EPHA5: variants seen among roughly 807,000 people sequenced by gnomAD.
EPHA5 encodes the protein EPH receptor A5.
A neutral mutation model predicts 105.0 loss-of-function variants in EPHA5; 60 were observed. The ratio of observed to expected loss-of-function variants is 0.57; its 90% confidence interval spans 0.46 to 0.71. The LOEUF (loss-of-function observed/expected upper bound fraction) is 0.71, where lower values mean the gene tolerates loss of function less well. Ranked by LOEUF, EPHA5 falls within the 30% of genes least tolerant of loss-of-function variation. The probability of loss-of-function intolerance (pLI) is 0.00; values close to 1 mark genes in which losing one functional copy is unlikely to be tolerated. For missense variants in EPHA5, 1,218 were observed against 1,274.7 expected (o/e 0.96, Z 0.68); for synonymous variants, 513 against 449.1 (o/e 1.14, Z -1.80).
Position 65,573,427 on chromosome 4 carries a change from A to G in EPHA5, c.910+28214T>C, listed in dbSNP as rs537791387. ...CTCCGTCTCAAAAAAAAAAAAAAAA[A>G]AAAAAAAAGAAGCTCTTTCCCATCT... On this transcript the variant is annotated intron_variant, in intron 3 of 16. Transcript: ENST00000613740. 1.8e-4 allele frequency: 176 copies of G among 1,003,260 alleles called. 2 individuals are homozygous for G. In the African/African-American group the frequency reaches 2.7e-3, roughly 15 times the overall value. 62.1% of individuals were successfully genotyped at this position (1,003,260 alleles called of 1,614,324 possible). A position where few individuals can be genotyped will look rare whatever the true frequency, so the allele number is the denominator to read the frequency against.
intron 8 of EPHA5, among the ~76,000 whole-genome samples, chr4:65,388,852 C>T (rs943633480): frequency 1.3e-5 from 2 of 151,600 alleles, no homozygotes; most frequent in Non-Finnish European, 2.9e-5. Context: ...GCTTTTGTTG[C>T]CATTGCTTTT....
At chr4:65,476,899 A>G (rs964813148) in intron 5 of EPHA5, among the ~76,000 whole-genome samples, 3 of 152,132 alleles carry the variant, frequency 2.0e-5, no homozygotes, top group African/African-American at 7.2e-5. Flanking sequence ...AAAAGAAAAC[A>G]TCAAGCATAA....
chr4:65,389,247 C>G (rs938752250), intron 8 of EPHA5, among the ~76,000 whole-genome samples: 1 of 151,998 alleles, frequency 6.6e-6, no homozygotes, highest in African/African-American at 2.4e-5. Flanking sequence ...AAAAATATAG[C>G]ATTGTGGTGC....
intron 2 of EPHA5, among the ~76,000 whole-genome samples, chr4:65,636,377 G>A (rs981583301): frequency 2.6e-5 from 4 of 152,170 alleles, no homozygotes; most frequent in South Asian, 4.1e-4. Context: ...GAACCTGGTC[G>A]TTACTCTGAA....
chr4:65,581,548 T>C (rs1023071455), intron 3 of EPHA5, among the ~76,000 whole-genome samples: 9 of 151,754 alleles, frequency 5.9e-5, no homozygotes, highest in African/African-American at 1.9e-4. Context: ...CTGGGTTCTT[T>C]GAAACTTAAC....
At chr4:65,325,759 T>C (rs1011366315) in intron 16 of EPHA5, among the ~76,000 whole-genome samples, 2 of 151,232 alleles carry the variant, frequency 1.3e-5, no homozygotes, top group African/African-American at 4.8e-5. Context: ...TCTTTTCAAC[T>C]AAACCAGAGT....
intron 3 of EPHA5, among the ~76,000 whole-genome samples, chr4:65,552,040 T>G (rs1205612488): frequency 6.6e-6 from 1 of 152,172 alleles, no homozygotes; most frequent in Non-Finnish European, 1.5e-5. Flanking sequence ...CTCGATTATT[T>G]CTACCTGTTT....
chr4:65,617,159 T>C (rs1165070135), intron 2 of EPHA5, among the ~76,000 whole-genome samples: 2 of 152,114 alleles, frequency 1.3e-5, no homozygotes, highest in African/African-American at 4.8e-5. Flanking sequence ...ACACTTATTC[T>C]ACTAAGTGTG....
chr4:65,441,357 A>C (rs757802987), intron 5 of EPHA5, among the ~76,000 whole-genome samples: 30 of 152,066 alleles, frequency 2.0e-4, no homozygotes, highest in Non-Finnish European at 2.8e-4. Context: ...TGTGAGAAAA[A>C]CAGTATTTCC....
chr4:65,589,250 T>TC (rs1742409132), intron 3 of EPHA5, among the ~76,000 whole-genome samples: 1 of 151,994 alleles, frequency 6.6e-6, no homozygotes, highest in South Asian at 2.1e-4. Context: ...ACAGACGTTT[T>TC]TTTTTAACTT....
Position 65,601,669 on chromosome 4 carries a change from T to G in EPHA5, c.882A>C (p.Gly294=). Residue 294 remains glycine (G), a synonymous_variant, in exon 3 of 17, where the codon GGA becomes GGC. Coordinates refer to ENST00000613740, the MANE Select transcript of EPHA5 (RefSeq NM_001281766.3). Reference sequence around the variant, plus strand: ...GACAGGTGCCATTTTTCTCTTCATATCCTGCCTTGCACATGCATTTCCCGA... The same window carrying G: ...GACAGGTGCCATTTTTCTCTTCATAGCCTGCCTTGCACATGCATTTCCCGA... ...VPIGKCMCKA[G]YEEKNGTCQV... 1.2e-6 allele frequency: 2 copies of G among 1,614,082 alleles called. No individual in the cohort carries two copies. The highest frequency in any genetic ancestry group is 2.7e-5 in the African/African-American group (2 of 75,044).
chr4:65,365,841 A>G (rs2148891481), intron 10 of EPHA5, 91 bp downstream of exon 10: 3 of 1,320,866 alleles, frequency 2.3e-6, no homozygotes, highest in Non-Finnish European at 3.1e-6. Flanking sequence ...AGAAAAGATT[A>G]AAAACATTCT....
intron 3 of EPHA5, among the ~76,000 whole-genome samples, chr4:65,558,590 C>A (rs13112976): frequency 6.6e-6 from 1 of 151,782 alleles, no homozygotes; most frequent in East Asian, 1.9e-4. Context: ...ATGTGCACAA[C>A]GTGCAGGTTA....
At chr4:65,505,842 T>C (rs969203025) in intron 3 of EPHA5, among the ~76,000 whole-genome samples, 5 of 152,094 alleles carry the variant, frequency 3.3e-5, no homozygotes, top group Non-Finnish European at 5.9e-5. Context: ...AACTTTTCCT[T>C]TTATTTATTT....
chr4:65,607,278 T>C (rs1044005928), intron 2 of EPHA5, among the ~76,000 whole-genome samples: 1 of 151,956 alleles, frequency 6.6e-6, no homozygotes, highest in Non-Finnish European at 1.5e-5. Context: ...GGCAAATAAT[T>C]CATAACTAAA....
chr4:65,473,907 G>T (rs1729534452), intron 5 of EPHA5, among the ~76,000 whole-genome samples: 1 of 143,604 alleles, frequency 7.0e-6, no homozygotes, highest in Non-Finnish European at 1.5e-5. Flanking sequence ...GTCTGAAATA[G>T]AAATATTTCC....
At chr4:65,579,952 T>C (rs898334227) in intron 3 of EPHA5, among the ~76,000 whole-genome samples, 8 of 151,952 alleles carry the variant, frequency 5.3e-5, no homozygotes, top group Non-Finnish European at 8.8e-5. Flanking sequence ...GCTTCTATCA[T>C]GCGAAATTTA....
intron 2 of EPHA5, among the ~76,000 whole-genome samples, chr4:65,637,867 A>G (rs1467177177): frequency 1.3e-5 from 2 of 152,088 alleles, no homozygotes; most frequent in Non-Finnish European, 1.5e-5. Flanking sequence ...GAAACATTGT[A>G]AAGTGGCAAA....
intron 6 of EPHA5, among the ~76,000 whole-genome samples, chr4:65,416,132 T>G (rs1357046977): frequency 6.6e-6 from 1 of 152,054 alleles, no homozygotes; most frequent in Non-Finnish European, 1.5e-5. Context: ...TAAAGAAAAT[T>G]TAACTTAAAG....
Sources: gnomAD v4.1 joint callset for allele counts (sites outside exome capture counted in the v4.1 genomes callset) on GRCh38, gnomAD v4.1.1 for gene constraint, MANE v1.5 for transcripts, NCBI Gene and HGNC (gene_info 2026-07-23, HGNC 2026-07-21) for gene names.